Variants in CPE observed in about 807,000 individuals in gnomAD.
CPE encodes the protein carboxypeptidase E.
Under a neutral mutation model 53.5 loss-of-function variants are expected in CPE, and 17 were observed. That is an observed-to-expected ratio of 0.32 (90% CI 0.22 to 0.48). The LOEUF is 0.48. CPE is among the 20% of genes least tolerant of loss of function. CPE has a pLI of 0.99. For synonymous variants in CPE, 226 were observed against 228.8 expected (o/e 0.99, Z 0.11); for missense variants, 524 against 614.7 (o/e 0.85, Z 1.56).
At chr4:165,442,486 A>G (rs1322286312) in intron 1 of CPE, among the ~76,000 whole-genome samples, 2 of 152,222 alleles carry the variant, frequency 1.3e-5, no homozygotes, top group African/African-American at 4.8e-5. Context: ...GGAAGTTCAT[A>G]CAAAAGTGCT....
At chr4:165,462,266 C>T (rs1240813227) in intron 1 of CPE, among the ~76,000 whole-genome samples, 1 of 152,192 alleles carries the variant, frequency 6.6e-6, no homozygotes, top group Non-Finnish European at 1.5e-5. Context: ...ATATACTGTG[C>T]TAGCTAAACC....
chr4:165,442,050 T>TG lies in CPE; in HGVS notation c.308-22340_308-22339insG, dbSNP rs1560883531. Among the ~76,000 whole-genome samples, 12 of 131,110 alleles carry TG rather than the reference T, an allele frequency of 9.2e-5. 1 individual carries two copies. Among genetic ancestry groups the TG allele is most frequent in the African/African-American group, 3.3e-4 (11 of 33,326 alleles). 86.0% of individuals were successfully genotyped at this position (131,110 alleles called of 152,430 possible). ...TTTTTTTTTTTGTTTTTTTTTTGTTTTTTTTTTTTTGAGACAGGGTCTAGC... is the reference window on the plus strand; with the variant it reads ...TTTTTTTTTTTGTTTTTTTTTTGTTTGTTTTTTTTTTGAGACAGGGTCTAGC... On this transcript the variant is annotated intron_variant, in intron 1 of 8. Coordinates refer to ENST00000402744, the MANE Select transcript of CPE (RefSeq NM_001873.4).
intron 1 of CPE, among the ~76,000 whole-genome samples, chr4:165,386,855 C>T (rs1458888373): frequency 6.6e-6 from 1 of 152,158 alleles, no homozygotes; most frequent in Non-Finnish European, 1.5e-5. Flanking sequence ...GTTTTTAACA[C>T]AGAAGATATG....
At chr4:165,492,762 G>T (rs1160769030) in intron 6 of CPE, among the ~76,000 whole-genome samples, 1 of 152,174 alleles carries the variant, frequency 6.6e-6, no homozygotes, top group Non-Finnish European at 1.5e-5. Flanking sequence ...ATTAGGTCAG[G>T]AGTCCATCTT....
chr4:165,434,048 T>G (rs987456332), intron 1 of CPE, among the ~76,000 whole-genome samples: 1 of 152,214 alleles, frequency 6.6e-6, no homozygotes, highest in Admixed American at 6.5e-5. Context: ...TTAGCTTAAA[T>G]GTTACCTTCT....
At chr4:165,464,018 G>C (rs1360076975) in intron 1 of CPE, among the ~76,000 whole-genome samples, 2 of 152,330 alleles carry the variant, frequency 1.3e-5, no homozygotes, top group East Asian at 3.9e-4. Context: ...TCTTTCCTCT[G>C]TGCAGAGGAG....
At chr4:165,492,589 C>T (rs77814782) in intron 6 of CPE, among the ~76,000 whole-genome samples, 3,411 of 152,206 alleles carry the variant, frequency 0.022, 116 homozygotes, top group African/African-American at 0.076. Flanking sequence ...TAAGGGCTTA[C>T]AACTCTAAGG....
At chr4:165,416,360 G>C (rs1254670698) in intron 1 of CPE, among the ~76,000 whole-genome samples, 1 of 152,182 alleles carries the variant, frequency 6.6e-6, no homozygotes, top group Non-Finnish European at 1.5e-5. Context: ...CTAGCTAGTG[G>C]TGGGGGCACT....
At chr4:165,444,500 G>GA (rs35037653) in intron 1 of CPE, among the ~76,000 whole-genome samples, 26,619 of 148,792 alleles carry the variant, frequency 0.18, 2,612 homozygotes, top group African/African-American at 0.27. Context: ...CATCTCTACT[G>GA]AAAAAAAAAA....
chr4:165,416,924 A>C (rs550639810), intron 1 of CPE, among the ~76,000 whole-genome samples: 40 of 152,004 alleles, frequency 2.6e-4, no homozygotes, highest in Admixed American at 7.2e-4. Flanking sequence ...CCATGAATGA[A>C]TGGAATTTGG....
intron 1 of CPE, among the ~76,000 whole-genome samples, chr4:165,425,038 C>A (rs1263638886): frequency 6.6e-6 from 1 of 151,820 alleles, no homozygotes; most frequent in African/African-American, 2.4e-5. Context: ...CCACCATGCC[C>A]AGCTAATTTT....
chr4:165,397,919 G>A (rs1396226211), intron 1 of CPE, among the ~76,000 whole-genome samples: 3 of 151,590 alleles, frequency 2.0e-5, no homozygotes, highest in African/African-American at 7.3e-5. Context: ...AGGCATTGTG[G>A]TACATGCCTA....
chr4:165,401,038 C>T (rs1375363366), intron 1 of CPE, among the ~76,000 whole-genome samples: 6 of 150,154 alleles, frequency 4.0e-5, no homozygotes, highest in East Asian at 3.9e-4. Context: ...CTTTATCTTA[C>T]TTGACCTTAT....
Position 165,379,579 on chromosome 4 carries a change from C to G in CPE, c.307+51C>G. ...CTGGGGGCATCCCGGAGGGGGGCGG[C>G]AGAGGGTGGGACTGGTGGCGGTGGG... On this transcript the variant is annotated intron_variant, in intron 1 of 8. Coordinates refer to ENST00000402744, the MANE Select transcript of CPE (RefSeq NM_001873.4). The surrounding 1 kb of genome is among the most constrained non-coding windows in gnomAD (Gnocchi z 6.0). 1 of 1,136,260 alleles carries G rather than the reference C, an allele frequency of 8.8e-7. No individual in the cohort carries two copies. The highest frequency in any genetic ancestry group is 1.9e-5 in the South Asian group (1 of 52,038). The allele number at this position is 1,136,260 out of a possible 1,614,324, so 70.4% of individuals were successfully genotyped here. A position where few individuals can be genotyped will look rare whatever the true frequency, so the allele number is the denominator to read the frequency against.
chr4:165,437,972 G>C (rs1210778144), intron 1 of CPE, among the ~76,000 whole-genome samples: 2 of 152,158 alleles, frequency 1.3e-5, no homozygotes, highest in Non-Finnish European at 2.9e-5. Flanking sequence ...AGGGGTGGAA[G>C]AGACTAGATG....
intron 3 of CPE, among the ~76,000 whole-genome samples, chr4:165,481,330 A>C (rs1213283285): frequency 6.6e-6 from 1 of 152,164 alleles, no homozygotes; most frequent in East Asian, 1.9e-4. Context: ...AAAATAGTTC[A>C]TGTCAGAACT....
At chr4:165,381,945 C>A (rs1730510395) in intron 1 of CPE, among the ~76,000 whole-genome samples, 1 of 152,164 alleles carries the variant, frequency 6.6e-6, no homozygotes, top group Non-Finnish European at 1.5e-5. Flanking sequence ...TCAAGGTGGA[C>A]CAGGCGTCTG....
intron 1 of CPE, chr4:165,405,010 G>A (rs1730930188): frequency 1.3e-6 from 1 of 741,014 alleles, no homozygotes. Flanking sequence ...TAAGGAAGTT[G>A]TGATGGATGG....
At chr4:165,442,273 G>A (rs953739552) in intron 1 of CPE, among the ~76,000 whole-genome samples, 7 of 151,932 alleles carry the variant, frequency 4.6e-5, no homozygotes, top group African/African-American at 1.4e-4. Flanking sequence ...TGAACTCCTC[G>A]GTTCAAGTGA....
Sources: allele counts gnomAD v4.1 joint callset (sites outside exome capture counted in the v4.1 genomes callset), GRCh38; gene constraint gnomAD v4.1.1; non-coding constraint Gnocchi (gnomAD v3.1); transcripts MANE v1.5; gene names NCBI Gene and HGNC (gene_info 2026-07-23, HGNC 2026-07-21).